EPHB2: variants seen among roughly 807,000 people sequenced by gnomAD.
The protein encoded by EPHB2 is ephrin type-B receptor 2.
A neutral mutation model predicts 96.4 loss-of-function variants in EPHB2; 18 were observed. The observed-to-expected ratio is 0.19, with a 90% CI of 0.13 to 0.28. The LOEUF is 0.28. EPHB2 is among the 10% of genes least tolerant of loss of function. EPHB2 has a pLI of 1.00. For missense variants in EPHB2, 989 were observed against 1,355.4 expected (o/e 0.73, Z 4.25); for synonymous variants, 506 against 534.1 (o/e 0.95, Z 0.72).
chr1:22,880,535 C>T (rs1639003746), intron 5 of EPHB2, among the ~76,000 whole-genome samples: 1 of 152,254 alleles, frequency 6.6e-6, no homozygotes, highest in African/African-American at 2.4e-5. Context: ...CCCAGAGAAG[C>T]AAGGAGGCTT....
In EPHB2 at chr1:22,919,084, C is replaced by T. The variant is rs1025500513; in HGVS notation, c.*5514C>T. ...CCACCCCAACCCCCTAAATCAGAAT[C>T]CCTGGGGTTGGGCCCAAGAGTCTCC... On this transcript the variant is annotated 3_prime_UTR_variant, in exon 16 of 16. Transcript: ENST00000374630. 6.6e-6 allele frequency: 1 copy of T among 152,228 alleles called. No homozygotes were observed. The highest frequency in any genetic ancestry group is 2.4e-5 in the African/African-American group (1 of 41,464). 9.4% of individuals were successfully genotyped at this position (152,228 alleles called of 1,614,324 possible). A position where few individuals can be genotyped will look rare whatever the true frequency, so the allele number is the denominator to read the frequency against.
chr1:22,880,689 C>A (rs1015056543), intron 5 of EPHB2, among the ~76,000 whole-genome samples: 1 of 152,216 alleles, frequency 6.6e-6, no homozygotes, highest in Non-Finnish European at 1.5e-5. Context: ...CTCAGGAAGC[C>A]GTGTGCACCT....
intron 3 of EPHB2, among the ~76,000 whole-genome samples, chr1:22,840,051 T>C (rs1233722448): frequency 3.9e-5 from 6 of 152,118 alleles, no homozygotes; most frequent in Non-Finnish European, 4.4e-5. Flanking sequence ...AAGTACTCAG[T>C]AAATCTTGGA....
At chr1:22,777,411 G>C (rs1285697298) in intron 1 of EPHB2, among the ~76,000 whole-genome samples, 1 of 152,206 alleles carries the variant, frequency 6.6e-6, no homozygotes, top group Admixed American at 6.5e-5. Flanking sequence ...TAGGGTCTCA[G>C]CAGACGTGAG....
At chr1:22,714,141 A>G (rs1643232748) in intron 1 of EPHB2, among the ~76,000 whole-genome samples, 3 of 152,154 alleles carry the variant, frequency 2.0e-5, no homozygotes, top group Non-Finnish European at 4.4e-5. Flanking sequence ...GCAGGCAAGG[A>G]GACGGGACAA....
chr1:22,796,696 C>T (rs944644549), intron 3 of EPHB2, among the ~76,000 whole-genome samples: 1 of 152,246 alleles, frequency 6.6e-6, no homozygotes, highest in African/African-American at 2.4e-5. Flanking sequence ...ACGCCTGACT[C>T]TGTGCCTCTT....
chr1:22,865,227 C>G lies in EPHB2; in HGVS notation c.1303+15C>G, dbSNP rs116602678. On this transcript the variant is annotated intron_variant, in intron 5 of 15. Coordinates refer to ENST00000374630, the MANE Select transcript of EPHB2 (RefSeq NM_017449.5). Reference sequence around the variant, plus strand: ...CAACCAGGCAGGTAAGTGCTTCCGACGTGGGCCAGGGGAGTGCCCCATCGC... The same window carrying G: ...CAACCAGGCAGGTAAGTGCTTCCGAGGTGGGCCAGGGGAGTGCCCCATCGC... 1.2e-3 allele frequency: 1,895 copies of G among 1,614,160 alleles called. 29 individuals carry two copies. In the African/African-American group the frequency reaches 0.022, roughly 19 times the overall value.
chr1:22,876,235 T>C (rs560130043), intron 5 of EPHB2, among the ~76,000 whole-genome samples: 1 of 152,006 alleles, frequency 6.6e-6, no homozygotes, highest in Non-Finnish European at 1.5e-5. Flanking sequence ...TTCGGACCAG[T>C]GAAAGGGTCG....
intron 1 of EPHB2, among the ~76,000 whole-genome samples, chr1:22,744,873 A>G (rs1643950503): frequency 6.6e-6 from 1 of 152,060 alleles, no homozygotes; most frequent in South Asian, 2.1e-4. Flanking sequence ...AAAAAAAGAA[A>G]AAAAGAAAAT....
In EPHB2 at chr1:22,846,526, C is replaced by T. The variant is rs1288640832; in HGVS notation, c.812-16511C>T. On this transcript the variant is annotated intron_variant, in intron 3 of 15. Transcript: ENST00000374630. The surrounding 1 kb of genome is among the most constrained non-coding windows in gnomAD (Gnocchi z 4.3). ...CCGCCCTGCCAAAGACAGAACTGCCCGATCTGCAGGCCTTGGGCATGGAGA... is the reference window on the plus strand; with the variant it reads ...CCGCCCTGCCAAAGACAGAACTGCCTGATCTGCAGGCCTTGGGCATGGAGA... 1.3e-5 allele frequency among the ~76,000 whole-genome samples: 2 copies of T among 152,252 alleles called. No individual in the cohort carries two copies. The highest frequency in any genetic ancestry group is 2.1e-4 in the South Asian group (1 of 4,832).
chr1:22,751,818 T>A (rs1187855639), intron 1 of EPHB2, among the ~76,000 whole-genome samples: 1 of 152,248 alleles, frequency 6.6e-6, no homozygotes, highest in Non-Finnish European at 1.5e-5. Flanking sequence ...GCTGCAGGGC[T>A]GCCTCCTTTG....
At position 22,875,108 on chromosome 1, in the gene EPHB2, C is replaced by G. The variant is rs1638794755; in HGVS notation, c.1304-7251C>G. ...TGTCAGCTTTTCCTTTTTTCTGTCC[C>G]ATACCACTCTCTAAGAGGCCCATCA... On this transcript the variant is annotated intron_variant, in intron 5 of 15. Transcript: ENST00000374630. The surrounding 1 kb of genome is among the most constrained non-coding windows in gnomAD (Gnocchi z 4.2). Among the ~76,000 whole-genome samples the G allele has an allele frequency of 6.6e-6, 1 of 152,178 alleles. No individual in the cohort carries two copies. The highest frequency in any genetic ancestry group is 1.5e-5 in the Non-Finnish European group (1 of 68,036).
chr1:22,771,723 A>G (rs1433772306), intron 1 of EPHB2, among the ~76,000 whole-genome samples: 2 of 152,210 alleles, frequency 1.3e-5, no homozygotes, highest in African/African-American at 4.8e-5. Context: ...GTAGCTGCCC[A>G]GTAATGCCAG....
At chr1:22,884,619 C>CAAA (rs10599403) in intron 6 of EPHB2, among the ~76,000 whole-genome samples, 5 of 87,314 alleles carry the variant, frequency 5.7e-5, no homozygotes, top group African/African-American at 1.8e-4. Flanking sequence ...GATGCTGTCT[C>CAAA]AAAAAAAAAA....
At chr1:22,723,795 G>A (rs1643522930) in intron 1 of EPHB2, among the ~76,000 whole-genome samples, 1 of 152,230 alleles carries the variant, frequency 6.6e-6, no homozygotes, top group South Asian at 2.1e-4. Flanking sequence ...AAGAGCTAAT[G>A]TATTTTTTTA....
intron 3 of EPHB2, among the ~76,000 whole-genome samples, chr1:22,836,333 G>A (rs1451820331): frequency 6.6e-6 from 1 of 152,234 alleles, no homozygotes; most frequent in Admixed American, 6.5e-5. Flanking sequence ...ACCAGACAAG[G>A]AGTGCGCCGA....
intron 2 of EPHB2, among the ~76,000 whole-genome samples, chr1:22,783,277 A>G (rs1368441379): frequency 6.6e-6 from 1 of 152,194 alleles, no homozygotes; most frequent in Non-Finnish European, 1.5e-5. Context: ...CACCAAAGAA[A>G]TGAGATCCTG....
intron 1 of EPHB2, among the ~76,000 whole-genome samples, chr1:22,763,204 G>A (rs559594415): frequency 1.1e-4 from 17 of 152,342 alleles, no homozygotes; most frequent in Admixed American, 1.3e-4. Context: ...ATGGCCTTGG[G>A]CAGGTTGCTT....
intron 1 of EPHB2, among the ~76,000 whole-genome samples, chr1:22,712,657 G>A (rs879522453): frequency 1.4e-4 from 21 of 152,314 alleles, no homozygotes; most frequent in Admixed American, 3.9e-4. Context: ...GGGATTTGGC[G>A]GCTGACTGCG....
Sources: allele counts gnomAD v4.1 joint callset (sites outside exome capture counted in the v4.1 genomes callset), GRCh38; gene constraint gnomAD v4.1.1; non-coding constraint Gnocchi (gnomAD v3.1); transcripts MANE v1.5; gene names NCBI Gene and HGNC (gene_info 2026-07-23, HGNC 2026-07-21).